The following SCYL2 variants were observed in gnomAD, a reference collection of about 807,000 sequenced individuals.
SCYL2 encodes SCY1-like protein 2.
SCYL2 carries 36 observed loss-of-function variants against 100.4 expected under a neutral mutation model. The observed-to-expected ratio is 0.36, with a 90% confidence interval of 0.27 to 0.47. SCYL2 has a LOEUF of 0.47. Ranked by LOEUF, SCYL2 falls within the 20% of genes least tolerant of loss-of-function variation. SCYL2 has a pLI of 1.00. For missense variants in SCYL2, 902 were observed against 1,083.9 expected (o/e 0.83, Z 2.36); for synonymous variants, 330 against 359.2 (o/e 0.92, Z 0.92).
In SCYL2 at chr12:100,314,478, A is replaced by AT. The variant is rs749377219; in HGVS notation, c.970-3dup. ...ACATTTATCAAAATACTTTATTTCC[A>AT]TTTTTTTTAGATTCCCTTCTTTGAT... is the stretch of plus-strand genomic sequence containing the variant. On this transcript the variant is annotated splice_polypyrimidine_tract_variant and intron_variant, in intron 7 of 17. Coordinates refer to ENST00000360820, the MANE Select transcript of SCYL2 (RefSeq NM_017988.6). 40 of 1,564,942 alleles carry AT rather than the reference A, an allele frequency of 2.6e-5. No homozygotes were observed. The highest frequency in any genetic ancestry group is 7.1e-5 in the Admixed American group (4 of 56,100).
chr12:100,309,587 C>T (rs2096339571), intron 4 of SCYL2, among the ~76,000 whole-genome samples: 1 of 152,138 alleles, frequency 6.6e-6, no homozygotes, highest in African/African-American at 2.4e-5. Context: ...AATAATATTC[C>T]ATTATATGTA....
At chr12:100,303,607 T>C (rs12370695) in intron 4 of SCYL2, among the ~76,000 whole-genome samples, 18,406 of 152,278 alleles carry the variant, frequency 0.12, 1,517 homozygotes, top group Non-Finnish European at 0.18. Context: ...CAGCAAAGAT[T>C]GCTGCCTAAT....
chr12:100,270,100 C>T (rs1255982932), intron 1 of SCYL2, among the ~76,000 whole-genome samples: 1 of 151,892 alleles, frequency 6.6e-6, no homozygotes. Flanking sequence ...CATTCTCCTG[C>T]CTCAGCCTCC....
At chr12:100,306,133 C>A (rs912713194) in intron 4 of SCYL2, among the ~76,000 whole-genome samples, 10 of 152,076 alleles carry the variant, frequency 6.6e-5, no homozygotes, top group Non-Finnish European at 1.5e-4. Flanking sequence ...AAAAGAGGGA[C>A]TCCTCCCTAA....
chr12:100,282,928 C>A lies in SCYL2; in HGVS notation c.-28-15C>A, dbSNP rs138140027. ...AAGAAATGATCAGTTCTCCACTATCCTTCTGTTTTTCTAGGTAACTATAAC... is the reference window on the plus strand; with the variant it reads ...AAGAAATGATCAGTTCTCCACTATCATTCTGTTTTTCTAGGTAACTATAAC... On this transcript the variant is annotated splice_polypyrimidine_tract_variant and intron_variant, in intron 1 of 17. Transcript: ENST00000360820. 2 of 1,297,446 alleles carry A rather than the reference C, an allele frequency of 1.5e-6. No individual in the cohort carries two copies. The highest frequency in any genetic ancestry group is 3.0e-5 in the African/African-American group (2 of 67,288). The allele number at this position is 1,297,446 out of a possible 1,614,324, so 80.4% of individuals were successfully genotyped here.
At chr12:100,278,563 T>C (rs2096294857) in intron 1 of SCYL2, among the ~76,000 whole-genome samples, 1 of 152,150 alleles carries the variant, frequency 6.6e-6, no homozygotes, top group African/African-American at 2.4e-5. Context: ...CAGTTTCGTT[T>C]AGCAGTTTAA....
intron 10 of SCYL2, among the ~76,000 whole-genome samples, chr12:100,320,291 T>C (rs944249229): frequency 6.6e-6 from 1 of 152,080 alleles, no homozygotes; most frequent in African/African-American, 2.4e-5. Context: ...ATGCCTGTAA[T>C]CCCAGTGCTT....
In SCYL2 at chr12:100,293,843, G is replaced by A. The variant is rs2096313548; in HGVS notation, c.335+2183G>A. On this transcript the variant is annotated intron_variant, in intron 3 of 17. Transcript: ENST00000360820. Reference sequence around the variant, plus strand: ...CATGTTTCAGAGAGCACAGGGTTGGGGGTAAGGTCACAGATCAACGGGATC... The same window carrying A: ...CATGTTTCAGAGAGCACAGGGTTGGAGGTAAGGTCACAGATCAACGGGATC... Among the ~76,000 whole-genome samples, 5 of 152,102 alleles carry A rather than the reference G, an allele frequency of 3.3e-5. No homozygotes were observed. In the South Asian group the frequency reaches 8.3e-4, roughly 25 times the overall value.
chr12:100,309,133 T>TGTGCGC (rs1442815826), intron 4 of SCYL2, among the ~76,000 whole-genome samples: 32 of 150,116 alleles, frequency 2.1e-4, no homozygotes, highest in African/African-American at 7.0e-4. Context: ...TGTGTGTGTG[T>TGTGCGC]GCGCGCGCGT....
chr12:100,283,127 A>T lies in SCYL2; in HGVS notation c.157A>T (p.Thr53Ser), dbSNP rs2096300662. 1 of 1,606,242 alleles carries T rather than the reference A, an allele frequency of 6.2e-7. No individual in the cohort carries two copies. Among genetic ancestry groups the T allele is most frequent in the Non-Finnish European group, 8.5e-7 (1 of 1,177,526 alleles). The part of the protein sequence containing the change: ...NGLAWKIFNG[T>S]KKSTKQEVAV... ...GCTAGCTTGGAAGATTTTTAATGGC[A>T]CAAAAAAGTCAACAAAGCAGGTGAG... The change falls in exon 2 of 18, where the codon ACA (threonine) becomes TCA (serine). Residue 53 changes from threonine to serine, a missense_variant. By Grantham distance (58) the Thr-to-Ser change is moderately conservative. Coordinates refer to ENST00000360820, the MANE Select transcript of SCYL2 (RefSeq NM_017988.6).
chr12:100,304,610 C>T (rs982229263), intron 4 of SCYL2, among the ~76,000 whole-genome samples: 3 of 152,148 alleles, frequency 2.0e-5, no homozygotes, highest in Non-Finnish European at 4.4e-5. Context: ...CAGGCAAAAC[C>T]AGCTAGCATC....
At position 100,315,674 on chromosome 12, in the gene SCYL2, A is replaced by G. The variant is rs761981058; in HGVS notation, c.1212A>G (p.Glu404=). ...TTGCTGAGGAATGCACCAAAGAAGA[A>G]TATGTCAAATTAATTCTTCCTGAAC... ...LLIAEECTKE[E]YVKLILPELG... The change falls in exon 9 of 18, where the codon GAA becomes GAG. Residue 404 remains glutamate (E), a synonymous_variant. Transcript: ENST00000360820. The G allele has an allele frequency of 3.7e-6, 6 of 1,612,264 alleles. No homozygotes were observed. Among genetic ancestry groups the G allele is most frequent in the Non-Finnish European group, 5.1e-6 (6 of 1,179,022 alleles).
At position 100,338,555 on chromosome 12, in the gene SCYL2, G is replaced by A. The variant is rs1199474661; in HGVS notation, c.2173G>A (p.Asp725Asn). The A allele has an allele frequency of 1.2e-6, 2 of 1,611,584 alleles. No homozygotes were observed. Among genetic ancestry groups the A allele is most frequent in the East Asian group, 2.2e-5 (1 of 44,876 alleles). The change falls in exon 18 of 18, where the codon GAT becomes AAT. Residue 725 changes from aspartate (D) to asparagine (N), a missense_variant. Transcript: ENST00000360820. The part of the protein sequence containing the change: ...QTKDLTDTLM[D>N]NMSSLTSLSV... ...TAAGGACTTGACAGACACACTGATG[G>A]ATAATATGTCATCCTTGACCAGCCT...
At chr12:100,306,937 G>A (rs892159590) in intron 4 of SCYL2, among the ~76,000 whole-genome samples, 1 of 152,120 alleles carries the variant, frequency 6.6e-6, no homozygotes, top group East Asian at 1.9e-4. Context: ...CAACTTACAA[G>A]GGATGTGAAG....
chr12:100,284,059 A>G (rs1298938116), intron 2 of SCYL2, among the ~76,000 whole-genome samples: 1 of 152,238 alleles, frequency 6.6e-6, no homozygotes, highest in Non-Finnish European at 1.5e-5. Flanking sequence ...AGTTTTGTAA[A>G]TGAACAACCT....
intron 4 of SCYL2, among the ~76,000 whole-genome samples, chr12:100,305,469 A>G (rs1377294927): frequency 6.6e-6 from 1 of 152,260 alleles, no homozygotes. Context: ...GAACAAAGAC[A>G]CAACATACCA....
At chr12:100,279,926 C>T (rs1377621882) in intron 1 of SCYL2, among the ~76,000 whole-genome samples, 1 of 152,232 alleles carries the variant, frequency 6.6e-6, no homozygotes, top group African/African-American at 2.4e-5. Flanking sequence ...AGCATAGCTT[C>T]ATTCACTTTG....
chr12:100,276,371 C>T (rs1262524830), intron 1 of SCYL2, among the ~76,000 whole-genome samples: 2 of 152,010 alleles, frequency 1.3e-5, no homozygotes, highest in African/African-American at 4.8e-5. Flanking sequence ...CACTCTTTGT[C>T]ACGCAGGCCA....
At chr12:100,288,595 G>A (rs1936701909) in intron 2 of SCYL2, among the ~76,000 whole-genome samples, 1 of 152,036 alleles carries the variant, frequency 6.6e-6, no homozygotes, top group African/African-American at 2.4e-5. Flanking sequence ...CAACACTATG[G>A]GAGGCTGAGG....
Sources: gnomAD v4.1 joint callset for allele counts (sites outside exome capture counted in the v4.1 genomes callset) on GRCh38, gnomAD v4.1.1 for gene constraint, MANE v1.5 for transcripts, NCBI Gene and HGNC (gene_info 2026-07-23, HGNC 2026-07-21) for gene names.